PHF20L1: variants seen among roughly 807,000 people sequenced by gnomAD.
PHF20L1 encodes PHD finger protein 20 like 1.
A neutral mutation model predicts 125.5 loss-of-function variants in PHF20L1; 44 were observed. The observed-to-expected ratio is 0.35, with a 90% CI of 0.28 to 0.45. The LOEUF (loss-of-function observed/expected upper bound fraction) is 0.45, where lower values mean the gene tolerates loss of function less well. PHF20L1 is among the 20% of genes least tolerant of loss of function. The probability of loss-of-function intolerance (pLI) is 1.00; values close to 1 mark genes in which losing one functional copy is unlikely to be tolerated. For synonymous variants in PHF20L1, 380 were observed against 403.1 expected (o/e 0.94, Z 0.69); for missense variants, 1,012 against 1,217.2 (o/e 0.83, Z 2.51).
In PHF20L1 at chr8:132,814,802, C is replaced by T; in HGVS notation, c.1096C>T (p.Pro366Ser). 1 of 1,612,232 alleles carries T rather than the reference C, an allele frequency of 6.2e-7. No individual in the cohort carries two copies. Among genetic ancestry groups the T allele is most frequent in the Non-Finnish European group, 8.5e-7 (1 of 1,178,636 alleles). ...AGATTCTTCTGGGTGTATAAAACCC[C>T]CTAAATCACCACTTTCCCCAGAATT... ...SGDSSGCIKP[P>S]KSPLSPELIQ... is the part of the protein sequence containing the mutation. Residue 366 changes from proline to serine, a missense_variant, in exon 10 of 21, where the codon CCT becomes TCT. By Grantham distance (74) the Pro-to-Ser change is moderately conservative (BLOSUM62 -1). This residue lies in a region of PHF20L1 where 119 missense variants were observed against 160.2 expected (regional missense o/e 0.74). Coordinates refer to ENST00000395386, the MANE Select transcript of PHF20L1 (RefSeq NM_016018.5).
At chr8:132,831,796 T>C (rs146755851) in intron 14 of PHF20L1, among the ~76,000 whole-genome samples, 87 of 152,190 alleles carry the variant, frequency 5.7e-4, no homozygotes, top group Non-Finnish European at 8.7e-4. Context: ...ACCCATCACC[T>C]AGGTGTTAAG....
intron 15 of PHF20L1, chr8:132,836,321 G>C: frequency 2.5e-6 from 1 of 394,852 alleles, no homozygotes; most frequent in Non-Finnish European, 4.5e-6. Context: ...ACTTATAATA[G>C]TGTATACTAT....
At chr8:132,836,899 A>G (rs1837417260) in intron 16 of PHF20L1, among the ~76,000 whole-genome samples, 178 bp downstream of exon 16, 2 of 152,090 alleles carry the variant, frequency 1.3e-5, no homozygotes, top group African/African-American at 2.4e-5. Context: ...AAAGTAGACA[A>G]TGTTCTTATT....
chr8:132,842,832 A>G lies in PHF20L1; in HGVS notation c.2705A>G (p.Asn902Ser). Reference protein sequence around the residue: ...EEQEFHMRSKNSLQYSAKEHG... With the variant: ...EEQEFHMRSKSSLQYSAKEHG... Reference sequence around the variant, plus strand: ...CAAGAATTCCACATGAGAAGTAAAAACAGTTTACAGTACTCAGCAAAAGAA... The same window carrying G: ...CAAGAATTCCACATGAGAAGTAAAAGCAGTTTACAGTACTCAGCAAAAGAA... The change falls in exon 19 of 21, where the codon AAC becomes AGC. Residue 902 changes from asparagine (N) to serine (S), a missense_variant. By Grantham distance (46) the Asn-to-Ser change is conservative (BLOSUM62 1). This residue lies in a region of PHF20L1 where 277 missense variants were observed against 283.6 expected (regional missense o/e 0.98). Coordinates refer to ENST00000395386, the MANE Select transcript of PHF20L1 (RefSeq NM_016018.5). 1.2e-6 allele frequency: 2 copies of G among 1,612,704 alleles called. No individual in the cohort carries two copies. The highest frequency in any genetic ancestry group is 2.2e-5 in the South Asian group (2 of 90,994).
chr8:132,828,152 G>A lies in PHF20L1; in HGVS notation c.1744+2781G>A, dbSNP rs185004692. Among the ~76,000 whole-genome samples the A allele has an allele frequency of 1.0e-3, 158 of 152,072 alleles. 1 individual carries two copies. The highest frequency in any genetic ancestry group is 4.6e-3 in the Admixed American group (70 of 15,266). ...TAGTATGTTTTTTAGTCTACAGTTA[G>A]CACCATGAGGGAGTTTCAAAATTCT... On this transcript the variant is annotated intron_variant, in intron 14 of 20. Coordinates refer to ENST00000395386, the MANE Select transcript of PHF20L1 (RefSeq NM_016018.5).
At chr8:132,828,906 T>A (rs960916443) in intron 14 of PHF20L1, among the ~76,000 whole-genome samples, 10 of 152,028 alleles carry the variant, frequency 6.6e-5, no homozygotes, top group African/African-American at 2.4e-4. Context: ...GTCATTGAAG[T>A]ATATGGTAAG....
chr8:132,825,680 T>C (rs1239180824), intron 14 of PHF20L1, among the ~76,000 whole-genome samples: 1 of 152,068 alleles, frequency 6.6e-6, no homozygotes, highest in Non-Finnish European at 1.5e-5. Context: ...ATTCTCAGTC[T>C]AGAATTGTAG....
intron 12 of PHF20L1, 55 bp from the exon 13 acceptor site, chr8:132,823,949 C>A: frequency 2.0e-6 from 2 of 1,001,824 alleles, no homozygotes; most frequent in South Asian, 2.8e-5. Context: ...AAAATATTGT[C>A]CCATACTTTT....
Position 132,842,676 on chromosome 8 carries a change from T to G in PHF20L1, c.2549T>G (p.Leu850Arg), listed in dbSNP as rs1479696581. Residue 850 changes from leucine (L) to arginine (R), a missense_variant, in exon 19 of 21, where the codon CTA becomes CGA. Physicochemically the swap from Leu to Arg is moderately radical, Grantham distance 102. Around this residue, in one of 7 missense-constraint regions of PHF20L1, gnomAD observed 277 missense variants for 283.6 expected, o/e 0.98. Transcript: ENST00000395386. ...QNHKEPPRLP[L>R]KMEGTYITSE... ...CATAAAGAACCACCTCGTTTGCCCC[T>G]AAAAATGGAAGGAACTTATATAACA... is the stretch of plus-strand genomic sequence containing the variant. 6.2e-7 allele frequency: 1 copy of G among 1,613,164 alleles called. No individual in the cohort carries two copies.
At chr8:132,779,709 G>A (rs1365998318) in intron 2 of PHF20L1, among the ~76,000 whole-genome samples, 1 of 152,088 alleles carries the variant, frequency 6.6e-6, no homozygotes, top group Non-Finnish European at 1.5e-5. Flanking sequence ...GTAGTAAAAT[G>A]TTTTCTAACT....
intron 2 of PHF20L1, among the ~76,000 whole-genome samples, chr8:132,778,224 TAGAG>T (rs1338892247): frequency 2.0e-5 from 3 of 152,274 alleles, no homozygotes; most frequent in African/African-American, 7.2e-5. Context: ...TTGGTGGAAG[TAGAG>T]AGAGGAGTAA....
chr8:132,837,605 G>A (rs1837508787), intron 16 of PHF20L1, 107 bp from the exon 17 acceptor site: 1 of 749,746 alleles, frequency 1.3e-6, no homozygotes, highest in Non-Finnish European at 2.3e-6. Context: ...ACTGATAGTG[G>A]CAGTAAGAAG....
Position 132,839,535 on chromosome 8 carries a change from T to A in PHF20L1, c.2340T>A (p.Gly780=). 16 of 1,613,476 alleles carry A rather than the reference T, an allele frequency of 9.9e-6. No individual in the cohort carries two copies. Among genetic ancestry groups the A allele is most frequent in the Non-Finnish European group, 1.4e-5 (16 of 1,179,618 alleles). Residue 780 remains glycine (G), a synonymous_variant, in exon 18 of 21, where the codon GGT becomes GGA. Transcript: ENST00000395386. ...STHHLLADVY[G]VTEVLHGLQL... is the part of the protein sequence containing the mutation. ...ATCACCTGCTTGCTGATGTCTATGG[T>A]GTTACAGAAGTGCTACACGGGCTAC...
intron 8 of PHF20L1, chr8:132,809,211 G>A (rs1409763544): frequency 6.6e-6 from 1 of 152,054 alleles, no homozygotes; most frequent in Non-Finnish European, 1.5e-5. Flanking sequence ...CTGTTCCCCA[G>A]GATGGAGTGC....
rs1838502037 is a variant in PHF20L1, at chr8:132,847,471, T to C, written c.*1548T>C. On this transcript the variant is annotated 3_prime_UTR_variant, in exon 21 of 21. Coordinates refer to ENST00000395386, the MANE Select transcript of PHF20L1 (RefSeq NM_016018.5). ...GATAGACAGTAAACTTGAATTTATC[T>C]TTGATAAGAATACATGCCACTGTAC... The C allele has an allele frequency of 1.3e-5, 2 of 152,630 alleles. No homozygotes were observed. The highest frequency in any genetic ancestry group is 4.1e-4 in the South Asian group (2 of 4,834). 9.5% of individuals were successfully genotyped at this position (152,630 alleles called of 1,614,324 possible).
Position 132,786,338 on chromosome 8 carries a change from C to T in PHF20L1, c.84-8072C>T, listed in dbSNP as rs144728078. The stretch of plus-strand genomic sequence containing the variant: ...TTGAGACATTTTAATAATAAAACAG[C>T]CTCTTATCTTTGCTTAGTAATTTTA... On this transcript the variant is annotated intron_variant, in intron 2 of 20. Transcript: ENST00000395386. Among the ~76,000 whole-genome samples, 260 of 152,074 alleles carry T rather than the reference C, an allele frequency of 1.7e-3. 1 individual carries two copies. The highest frequency in any genetic ancestry group is 3.0e-3 in the Non-Finnish European group (204 of 67,954).
intron 2 of PHF20L1, among the ~76,000 whole-genome samples, chr8:132,784,462 C>T (rs1830783374): frequency 6.6e-6 from 1 of 151,802 alleles, no homozygotes; most frequent in African/African-American, 2.4e-5. Context: ...ATTCCAAACT[C>T]AATTTCATTT....
At chr8:132,811,535 G>A in intron 9 of PHF20L1, 1 of 984,330 alleles carries the variant, frequency 1.0e-6, no homozygotes, top group Non-Finnish European at 1.2e-6. Context: ...GGTGTTGTTA[G>A]ACTGACTATG....
intron 19 of PHF20L1, chr8:132,843,167 CA>C: frequency 9.4e-7 from 1 of 1,068,204 alleles, no homozygotes; most frequent in Non-Finnish European, 1.1e-6. Context: ...ACATTGTATT[CA>C]AAACGAAAAT....
Sources: allele counts gnomAD v4.1 joint callset (sites outside exome capture counted in the v4.1 genomes callset), GRCh38; gene constraint gnomAD v4.1.1; regional missense constraint gnomAD v4.1.1; transcripts MANE v1.5; gene names NCBI Gene and HGNC (gene_info 2026-07-23, HGNC 2026-07-21).